The following PCDHA2 variants were observed in gnomAD, a reference collection of about 807,000 sequenced individuals.
PCDHA2 encodes protocadherin alpha-2.
In PCDHA2, 58 loss-of-function variants were observed where a neutral mutation model predicts 66.0. That is an observed-to-expected ratio of 0.88 (90% CI 0.71 to 1.09). The LOEUF (loss-of-function observed/expected upper bound fraction) is 1.09. Ranked by LOEUF, PCDHA2 falls within the 50% of genes least tolerant of loss-of-function variation. The pLI, the probability that PCDHA2 is intolerant of heterozygous loss-of-function variation, is 0.00. For synonymous variants in PCDHA2, 634 were observed against 554.0 expected, an observed-to-expected ratio of 1.14 and a Z score of -2.03; for missense variants, 1,267 against 1,242.3, an observed-to-expected ratio of 1.02 and a Z score of -0.30.
At chr5:140,943,688 G>A (rs2093547294) in intron 1 of PCDHA2, among the ~76,000 whole-genome samples, 1 of 152,170 alleles carries the variant, frequency 6.6e-6, no homozygotes. Context: ...AAGGGATAAG[G>A]TCAAAATATT....
intron 1 of PCDHA2, among the ~76,000 whole-genome samples, chr5:140,935,913 GACAGATTC>G (rs1178474379): frequency 8.0e-6 from 1 of 125,106 alleles, no homozygotes; most frequent in Admixed American, 8.3e-5. Context: ...TTTTTTTTGA[GACAGATTC>G]TCATTCTGTT....
chr5:140,797,001 G>T lies in PCDHA2; in HGVS notation c.2037G>T (p.Ser679=). ...LVESGQAPKA[S]SRAWVGAAGS... ...AAAGTGGCCAGGCACCCAAGGCCTC[G>T]TCGCGGGCGTGGGTGGGCGCCGCGG... The change falls in exon 1 of 4, where the codon TCG becomes TCT. Residue 679 remains serine, a synonymous_variant. Transcript: ENST00000526136. 1 of 1,613,708 alleles carries T rather than the reference G, an allele frequency of 6.2e-7. No homozygotes were observed.
intron 1 of PCDHA2, chr5:140,875,508 G>GC: frequency 6.2e-7 from 1 of 1,613,706 alleles, no homozygotes; most frequent in South Asian, 1.1e-5. Flanking sequence ...CGGGATCCCA[G>GC]CGTCTGCTGC....
At chr5:140,863,357 G>A (rs1320011614) in intron 1 of PCDHA2, 2 of 1,259,586 alleles carry the variant, frequency 1.6e-6, no homozygotes, top group South Asian at 1.2e-5. Context: ...ACGACGCTGC[G>A]GTGCTTGGCG....
intron 1 of PCDHA2, chr5:140,835,300 G>A (rs2150233515): frequency 6.2e-7 from 1 of 1,612,674 alleles, no homozygotes; most frequent in Non-Finnish European, 8.5e-7. Flanking sequence ...ACAGTGATAG[G>A]ACATATGGAT....
At chr5:140,967,524 A>G in intron 1 of PCDHA2, 1 of 1,612,564 alleles carries the variant, frequency 6.2e-7, no homozygotes, top group Non-Finnish European at 8.5e-7. Context: ...ACTAACGACA[A>G]CTCTCCTGCC....
At chr5:140,991,409 T>C (rs1554252146) in intron 3 of PCDHA2, among the ~76,000 whole-genome samples, 2 of 152,232 alleles carry the variant, frequency 1.3e-5, no homozygotes, top group Non-Finnish European at 1.5e-5. Flanking sequence ...TTTCCCATTA[T>C]GCTATAACAA....
intron 1 of PCDHA2, among the ~76,000 whole-genome samples, chr5:140,906,354 A>C (rs552915845): frequency 3.8e-4 from 58 of 152,336 alleles, no homozygotes; most frequent in South Asian, 1.7e-3. Context: ...GAATGCACCA[A>C]TTCCCAACCC....
intron 1 of PCDHA2, chr5:140,803,225 C>A (rs1554122653): frequency 5.6e-6 from 9 of 1,613,852 alleles, no homozygotes; most frequent in Non-Finnish European, 6.8e-6. Context: ...GCCAGGCACC[C>A]AAGGCCTCGT....
intron 1 of PCDHA2, among the ~76,000 whole-genome samples, chr5:140,970,569 C>T (rs1346474165): frequency 3.9e-5 from 6 of 152,038 alleles, no homozygotes; most frequent in African/African-American, 1.4e-4. Flanking sequence ...CATATGTATG[C>T]TTGAAATAAC....
Position 140,823,874 on chromosome 5 carries a change from T to C in PCDHA2, c.2388+26522T>C, listed in dbSNP as rs2150129906. 6.8e-6 allele frequency: 11 copies of C among 1,613,890 alleles called. No individual in the cohort carries two copies. In the Admixed American group the frequency reaches 1.8e-4, roughly 27 times the overall value. Reference sequence around the variant, plus strand: ...CTGGTGGATGTCAACGTGTACCTGATCATCGCCATCTGTGCGGTGTCCAGC... The same window carrying C: ...CTGGTGGATGTCAACGTGTACCTGACCATCGCCATCTGTGCGGTGTCCAGC... On this transcript the variant is annotated intron_variant, in intron 1 of 3. Coordinates refer to ENST00000526136, the MANE Select transcript of PCDHA2 (RefSeq NM_018905.3).
chr5:140,994,434 G>A (rs1238502710), intron 3 of PCDHA2, among the ~76,000 whole-genome samples: 1 of 152,156 alleles, frequency 6.6e-6, no homozygotes, highest in African/African-American at 2.4e-5. Flanking sequence ...CGGGCGCAGT[G>A]GCTCACACCT....
In PCDHA2 at chr5:140,809,555, G is replaced by C. The variant is rs781870287; in HGVS notation, c.2388+12203G>C. ...CAGAGAAGATCAGCTGCAGACAACT[G>C]AGGAATCCTTTGCAAAGGTTAGTGT... On this transcript the variant is annotated intron_variant, in intron 1 of 3. Coordinates refer to ENST00000526136, the MANE Select transcript of PCDHA2 (RefSeq NM_018905.3). 21 of 1,610,628 alleles carry C rather than the reference G, an allele frequency of 1.3e-5. 1 individual carries two copies. In the South Asian group the frequency reaches 2.3e-4, roughly 18 times the overall value.
At chr5:140,967,362 C>A (rs1385889243) in intron 1 of PCDHA2, 2 of 1,607,452 alleles carry the variant, frequency 1.2e-6, no homozygotes, top group East Asian at 2.2e-5. Flanking sequence ...GACCTTAAGC[C>A]CCTGCAGGAG....
chr5:140,855,744 T>C, intron 1 of PCDHA2: 1 of 316,692 alleles, frequency 3.2e-6, no homozygotes, highest in Non-Finnish European at 5.8e-6. Context: ...AGACGTAATG[T>C]GAGGCTTTGA....
chr5:140,918,918 C>T (rs1338973615), intron 1 of PCDHA2, among the ~76,000 whole-genome samples: 1 of 152,224 alleles, frequency 6.6e-6, no homozygotes, highest in Non-Finnish European at 1.5e-5. Context: ...ATTAACTACA[C>T]AGCATATGGC....
At chr5:140,971,632 A>G (rs1228797401) in intron 1 of PCDHA2, among the ~76,000 whole-genome samples, 2 of 152,158 alleles carry the variant, frequency 1.3e-5, no homozygotes, top group Admixed American at 6.5e-5. Context: ...AATTAGTACC[A>G]TGTGCCTACA....
rs536608044 is a variant in PCDHA2 at position 140,809,816 on chromosome 5, T to C, written c.2388+12464T>C. On this transcript the variant is annotated intron_variant, in intron 1 of 3. Coordinates refer to ENST00000526136, the MANE Select transcript of PCDHA2 (RefSeq NM_018905.3). ...TGTAATTTCTAGTAAATTTTCACTATATTCACCCTCTTTGTTTTTGGTAAT... is the reference window on the plus strand; with the variant it reads ...TGTAATTTCTAGTAAATTTTCACTACATTCACCCTCTTTGTTTTTGGTAAT... 8 of 407,052 alleles carry C rather than the reference T, an allele frequency of 2.0e-5. No homozygotes were observed. The South Asian group carries it at 4.1e-4, about 21-fold the overall frequency. The allele number at this position is 407,052 out of a possible 1,614,324, so 25.2% of individuals were successfully genotyped here.
chr5:141,000,780 A>G (rs2097963386), intron 3 of PCDHA2, among the ~76,000 whole-genome samples: 1 of 151,780 alleles, frequency 6.6e-6, no homozygotes, highest in Admixed American at 6.6e-5. Context: ...AGTGGCGCAC[A>G]CCTGTATTCC....
Sources: allele counts gnomAD v4.1 joint callset (sites outside exome capture counted in the v4.1 genomes callset), GRCh38; gene constraint gnomAD v4.1.1; transcripts MANE v1.5; gene names NCBI Gene and HGNC (gene_info 2026-07-23, HGNC 2026-07-21).